Variants in NYAP2 observed in about 807,000 individuals in gnomAD.
NYAP2 encodes the protein neuronal tyrosine-phosphorylated phosphoinositide-3-kinase adapter 2.
NYAP2 carries 23 observed loss-of-function variants against 50.4 expected under a neutral mutation model. That is an observed-to-expected ratio of 0.46 (90% CI 0.33 to 0.65). NYAP2 has a LOEUF of 0.65. NYAP2 is among the 30% of genes least tolerant of loss of function. The pLI is 0.02. For missense variants in NYAP2, 885 were observed against 861.0 expected, an observed-to-expected ratio of 1.03 and a Z score of -0.35; for synonymous variants, 394 against 365.2, an observed-to-expected ratio of 1.08 and a Z score of -0.90.
chr2:225,635,340 GA>G (rs879306429), intron 6 of NYAP2, among the ~76,000 whole-genome samples: 1 of 152,132 alleles, frequency 6.6e-6, no homozygotes, highest in Non-Finnish European at 1.5e-5. Flanking sequence ...ATTGTTTGAT[GA>G]AATAACAAAA....
At chr2:225,694,747 TTGAGA>T in the NYAP2 span, among the ~76,000 whole-genome samples, 1 of 151,830 alleles carries the variant, frequency 6.6e-6, no homozygotes, top group African/African-American at 2.4e-5. Flanking sequence ...TATATATTTG[TTGAGA>T]TATTTTCAAA....
intron 5 of NYAP2, among the ~76,000 whole-genome samples, chr2:225,623,078 T>C (rs780362320): frequency 1.3e-5 from 2 of 152,204 alleles, no homozygotes; most frequent in Non-Finnish European, 2.9e-5. Flanking sequence ...TCATTATAAC[T>C]AAAACAAGTT....
chr2:225,433,836 A>AG, intron 3 of NYAP2, among the ~76,000 whole-genome samples: 1 of 151,142 alleles, frequency 6.6e-6, no homozygotes, highest in South Asian at 2.1e-4. Context: ...AAAAAAAAAA[A>AG]AAAAGAATTA....
chr2:225,406,873 A>AT (rs1694948118), intron 2 of NYAP2, among the ~76,000 whole-genome samples: 1 of 152,042 alleles, frequency 6.6e-6, no homozygotes, highest in Admixed American at 6.6e-5. Context: ...GATATTTGGA[A>AT]TATAGAAACT....
intron 6 of NYAP2, among the ~76,000 whole-genome samples, chr2:225,638,428 C>T (rs1693465370): frequency 6.6e-6 from 1 of 151,928 alleles, no homozygotes; most frequent in Admixed American, 6.6e-5. Context: ...AGTTGCTTAG[C>T]AAGTAACTGT....
intron 3 of NYAP2, among the ~76,000 whole-genome samples, chr2:225,419,654 G>A (rs190325172): frequency 4.3e-4 from 66 of 152,252 alleles, no homozygotes; most frequent in African/African-American, 1.6e-3. Context: ...CACAACTAGC[G>A]GGGTAGTCAA....
At chr2:225,522,900 T>C (rs1276854790) in intron 4 of NYAP2, among the ~76,000 whole-genome samples, 1 of 152,184 alleles carries the variant, frequency 6.6e-6, no homozygotes, top group East Asian at 1.9e-4. Flanking sequence ...ACTGTGCTTT[T>C]TCCTATAAAG....
At chr2:225,507,755 T>C (rs1690734558) in intron 3 of NYAP2, among the ~76,000 whole-genome samples, 1 of 152,240 alleles carries the variant, frequency 6.6e-6, no homozygotes, top group South Asian at 2.1e-4. Context: ...ATGGCTAAAA[T>C]TATTGACTGC....
chr2:225,499,794 T>G (rs1037041569), intron 3 of NYAP2, among the ~76,000 whole-genome samples: 4 of 152,094 alleles, frequency 2.6e-5, no homozygotes, highest in Non-Finnish European at 4.4e-5. Context: ...AATAGATGTT[T>G]GTGAATTAAA....
At chr2:225,690,961 G>A in the NYAP2 span, among the ~76,000 whole-genome samples, 66 of 152,230 alleles carry the variant, frequency 4.3e-4, 1 homozygote, top group Admixed American at 1.7e-3. Context: ...TTGAAAACAC[G>A]TTTAGGAAAG....
chr2:225,558,004 T>C (rs891801070), intron 4 of NYAP2, among the ~76,000 whole-genome samples: 2 of 152,172 alleles, frequency 1.3e-5, no homozygotes, highest in Non-Finnish European at 2.9e-5. Flanking sequence ...CAGAAATATT[T>C]CTCCCTTTCC....
At chr2:225,691,702 G>A in the NYAP2 span, among the ~76,000 whole-genome samples, 4 of 152,060 alleles carry the variant, frequency 2.6e-5, no homozygotes, top group East Asian at 7.8e-4. Context: ...GGTGACTCGC[G>A]GCCTCCCATA....
chr2:225,548,010 G>C (rs1691613883), intron 4 of NYAP2, among the ~76,000 whole-genome samples: 1 of 151,922 alleles, frequency 6.6e-6, no homozygotes, highest in Non-Finnish European at 1.5e-5. Context: ...TATTTAAAAA[G>C]AAAGTTGCAA....
chr2:225,571,986 C>T (rs1692081050), intron 4 of NYAP2, among the ~76,000 whole-genome samples: 1 of 152,198 alleles, frequency 6.6e-6, no homozygotes, highest in South Asian at 2.1e-4. Context: ...ATCTCCAGGG[C>T]AGGGGCAAAA....
chr2:225,505,919 A>G lies in NYAP2; in HGVS notation c.222-7452A>G, dbSNP rs75911643. Among the ~76,000 whole-genome samples, 146 of 152,270 alleles carry G rather than the reference A, an allele frequency of 9.6e-4. 1 individual carries two copies. Among genetic ancestry groups the G allele is most frequent in the Non-Finnish European group, 2.0e-3 (135 of 68,018 alleles). On this transcript the variant is annotated intron_variant, in intron 3 of 6. Transcript: ENST00000636099. ...ATGAAGCAGGTCCGGACTTCTGGCC[A>G]GTGCAGCTTCGTGTATGCCCTGGTT...
In NYAP2 at chr2:225,441,989, T is replaced by C. The variant is rs142686319; in HGVS notation, c.221+32888T>C. Among the ~76,000 whole-genome samples, 1,086 of 152,312 alleles carry C rather than the reference T, an allele frequency of 7.1e-3. 11 individuals carry two copies. The highest frequency in any genetic ancestry group is 0.024 in the African/African-American group (1,015 of 41,566). On this transcript the variant is annotated intron_variant, in intron 3 of 6. Transcript: ENST00000636099. ...CTACTATCATCATCACCATCCTCAT[T>C]ATTAATAACAGAAGCCAAAATGTCA...
intron 3 of NYAP2, among the ~76,000 whole-genome samples, chr2:225,504,992 A>G (rs1263910983): frequency 6.7e-6 from 1 of 148,738 alleles, no homozygotes; most frequent in Non-Finnish European, 1.5e-5. Flanking sequence ...TGGGTGACGG[A>G]GCAAGACTGC....
chr2:225,499,692 A>G (rs1690571323), intron 3 of NYAP2, among the ~76,000 whole-genome samples: 1 of 152,184 alleles, frequency 6.6e-6, no homozygotes. Flanking sequence ...GGACAGTGAT[A>G]AGAAGGTAAG....
chr2:225,673,771 G>A, the NYAP2 span, among the ~76,000 whole-genome samples: 4 of 152,250 alleles, frequency 2.6e-5, no homozygotes, highest in East Asian at 7.7e-4. Flanking sequence ...TTTGAGAAAT[G>A]ATATGTGGTA....
Sources: gnomAD v4.1 joint callset for allele counts (sites outside exome capture counted in the v4.1 genomes callset) on GRCh38, gnomAD v4.1.1 for gene constraint, MANE v1.5 for transcripts, NCBI Gene and HGNC (gene_info 2026-07-23, HGNC 2026-07-21) for gene names.